Variants in LARGE1 observed in about 807,000 individuals in gnomAD.
LARGE1 encodes xylosyl- and glucuronyltransferase LARGE1.
LARGE1 carries 43 observed loss-of-function variants against 87.6 expected under a neutral mutation model. The ratio of observed to expected loss-of-function variants is 0.49; its 90% CI spans 0.38 to 0.63. LARGE1 has a LOEUF of 0.63. Among genes scored for constraint, LARGE1 ranks in the 30% least tolerant of loss-of-function variants. The pLI, the probability that LARGE1 is intolerant of heterozygous loss-of-function variation, is 0.00. For missense variants in LARGE1, 802 were observed against 1,000.2 expected (o/e 0.80, Z 2.67); for synonymous variants, 434 against 394.6 (o/e 1.10, Z -1.18).
At chr22:33,746,082 C>G (rs1054816520) in intron 2 of LARGE1, among the ~76,000 whole-genome samples, 26 of 152,172 alleles carry the variant, frequency 1.7e-4, no homozygotes, top group African/African-American at 6.0e-4. Context: ...ATAAGAATAT[C>G]AGCACGAAAA....
At chr22:33,415,505 G>C (rs960995666) in intron 7 of LARGE1, among the ~76,000 whole-genome samples, 4 of 152,176 alleles carry the variant, frequency 2.6e-5, no homozygotes, top group Non-Finnish European at 5.9e-5. Flanking sequence ...AACTCTTCTA[G>C]AACAGTGGCT....
At chr22:33,204,800 T>A in intron 11 of LARGE1, among the ~76,000 whole-genome samples, 1 of 151,966 alleles carries the variant, frequency 6.6e-6, no homozygotes, top group East Asian at 1.9e-4. Context: ...AATTCCAGCA[T>A]TTTTTTTCAA....
At chr22:33,298,566 T>G (rs1259644881) in intron 12 of LARGE1, among the ~76,000 whole-genome samples, 1 of 152,228 alleles carries the variant, frequency 6.6e-6, no homozygotes, top group East Asian at 1.9e-4. Flanking sequence ...CTCACGCCTG[T>G]AATCCTAGGG....
chr22:33,878,965 TTTCTTC>T (rs66789308), intron 1 of LARGE1, among the ~76,000 whole-genome samples: 3 of 148,298 alleles, frequency 2.0e-5, no homozygotes, highest in Non-Finnish European at 3.0e-5. Context: ...CCCAGTTTCT[TTTCTTC>T]TTCTTCTTCT....
At chr22:33,438,710 C>G (rs536562922) in intron 6 of LARGE1, among the ~76,000 whole-genome samples, 1 of 152,278 alleles carries the variant, frequency 6.6e-6, no homozygotes, top group East Asian at 1.9e-4. Flanking sequence ...AAAGGCTGAG[C>G]TGAGCATTCG....
At chr22:33,844,146 G>C (rs1192714830) in intron 1 of LARGE1, among the ~76,000 whole-genome samples, 1 of 151,732 alleles carries the variant, frequency 6.6e-6, no homozygotes, top group Non-Finnish European at 1.5e-5. Context: ...CCTAGATTCT[G>C]TGTTCCACAG....
intron 2 of LARGE1, among the ~76,000 whole-genome samples, chr22:33,729,895 T>G (rs2083398245): frequency 6.6e-6 from 1 of 152,222 alleles, no homozygotes; most frequent in African/African-American, 2.4e-5. Context: ...ATGGAGGACC[T>G]ATAAGATGCC....
chr22:33,081,569 G>A, the LARGE1 span, among the ~76,000 whole-genome samples: 1 of 152,290 alleles, frequency 6.6e-6, no homozygotes, highest in East Asian at 1.9e-4. Flanking sequence ...ATAAAAGAAA[G>A]ATAAAATATA....
At chr22:33,301,684 T>C (rs1436155751) in intron 12 of LARGE1, among the ~76,000 whole-genome samples, 6 of 152,210 alleles carry the variant, frequency 3.9e-5, no homozygotes, top group South Asian at 2.1e-4. Flanking sequence ...GTAATAAAGT[T>C]TTAAAAGCAA....
the LARGE1 span, among the ~76,000 whole-genome samples, chr22:33,131,753 AC>A: frequency 6.6e-6 from 1 of 152,072 alleles, no homozygotes; most frequent in East Asian, 1.9e-4. Flanking sequence ...TATGGGAGCT[AC>A]AATTCAAGAT....
intron 5 of LARGE1, among the ~76,000 whole-genome samples, chr22:33,583,768 A>G (rs1373714463): frequency 2.0e-5 from 3 of 152,230 alleles, no homozygotes; most frequent in Non-Finnish European, 4.4e-5. Flanking sequence ...CCATCCCTTC[A>G]GTAATGCACT....
At chr22:33,502,974 G>A (rs539947436) in intron 6 of LARGE1, among the ~76,000 whole-genome samples, 1 of 152,272 alleles carries the variant, frequency 6.6e-6, no homozygotes, top group South Asian at 2.1e-4. Flanking sequence ...GTCTGATACA[G>A]AAAGAAAGAA....
chr22:33,388,726 T>G (rs1045165360), intron 7 of LARGE1, among the ~76,000 whole-genome samples: 9 of 152,268 alleles, frequency 5.9e-5, no homozygotes, highest in Admixed American at 5.9e-4. Flanking sequence ...CCACCACGCC[T>G]GGCTGATTTT....
intron 2 of LARGE1, among the ~76,000 whole-genome samples, chr22:33,729,701 TGAA>T (rs965448970): frequency 8.5e-5 from 13 of 152,152 alleles, no homozygotes; most frequent in African/African-American, 3.1e-4. Flanking sequence ...TCAAGGACAA[TGAA>T]GATCAACAAC....
At chr22:33,160,120 C>T (rs1258900109), downstream of LARGE1, among the ~76,000 whole-genome samples, 1 of 152,154 alleles carries the variant, frequency 6.6e-6, no homozygotes, top group Non-Finnish European at 1.5e-5. Flanking sequence ...GCCTACAGCA[C>T]ATTCAGTGTT....
chr22:33,921,203 G>A (rs1210658732), upstream of LARGE1, among the ~76,000 whole-genome samples: 2 of 152,024 alleles, frequency 1.3e-5, no homozygotes, highest in Non-Finnish European at 2.9e-5. This position sits in a 1 kb window ranked among gnomAD's most constrained non-coding sequence, Gnocchi z 4.1. Flanking sequence ...GCGAGACTCC[G>A]CCCCGGTGCT....
chr22:33,497,615 T>C (rs9306279), intron 6 of LARGE1, among the ~76,000 whole-genome samples: 45,228 of 152,100 alleles, frequency 0.3, 7,129 homozygotes, highest in African/African-American at 0.38. Flanking sequence ...TTTTTCGATG[T>C]GACAAAACAT....
chr22:33,690,687 G>T (rs1401338520), intron 2 of LARGE1, among the ~76,000 whole-genome samples: 2 of 146,250 alleles, frequency 1.4e-5, no homozygotes, highest in East Asian at 2.0e-4. Flanking sequence ...AAAAAAAAAG[G>T]AATGGTAAGA....
At chr22:33,416,778 AT>A (rs2066505487) in intron 7 of LARGE1, among the ~76,000 whole-genome samples, 1 of 150,852 alleles carries the variant, frequency 6.6e-6, no homozygotes, top group African/African-American at 2.4e-5. Flanking sequence ...AATTTTTTGT[AT>A]TTTTAGTAGA....
Sources: gnomAD v4.1 joint callset for allele counts (sites outside exome capture counted in the v4.1 genomes callset) on GRCh38, gnomAD v4.1.1 for gene constraint, Gnocchi (gnomAD v3.1) non-coding constraint, MANE v1.5 for transcripts, NCBI Gene and HGNC (gene_info 2026-07-23, HGNC 2026-07-21) for gene names.